Variants in SH3D19 observed in about 807,000 individuals in gnomAD.
The protein encoded by SH3D19 is SH3 domain-containing protein 19.
Under a neutral mutation model 112.1 loss-of-function variants are expected in SH3D19, and 58 were observed. That is an observed-to-expected ratio of 0.52 (90% confidence interval 0.42 to 0.64). SH3D19 has a LOEUF of 0.64. SH3D19 is among the 30% of genes least tolerant of loss of function. SH3D19 has a pLI of 0.00. For missense variants in SH3D19, 1,090 were observed against 1,263.4 expected, an observed-to-expected ratio of 0.86 and a Z score of 2.08; for synonymous variants, 391 against 448.5, an observed-to-expected ratio of 0.87 and a Z score of 1.62.
Position 151,120,446 on chromosome 4 carries a change from A to T in SH3D19, c.*1645T>A, listed in dbSNP as rs1312263968. 6.6e-6 allele frequency: 1 copy of T among 152,570 alleles called. No individual in the cohort carries two copies. The highest frequency in any genetic ancestry group is 2.4e-5 in the African/African-American group (1 of 41,458). 9.5% of individuals were successfully genotyped at this position (152,570 alleles called of 1,614,324 possible). A position where few individuals can be genotyped will look rare whatever the true frequency, so the allele number is the denominator to read the frequency against. On this transcript the variant is annotated 3_prime_UTR_variant, in exon 20 of 20. Transcript: ENST00000604030. ...AGATGTTAAAATTATAAAGGCAAAGATATATACCTCATGTTCCATTCCATA... is the reference window on the plus strand; with the variant it reads ...AGATGTTAAAATTATAAAGGCAAAGTTATATACCTCATGTTCCATTCCATA...
chr4:151,312,207 GA>G lies in SH3D19; in HGVS notation c.112+13033del, dbSNP rs563172791. On this transcript the variant is annotated intron_variant, in intron 1 of 19. Transcript: ENST00000604030. ...TACCTCCACAAAGCTGAAAAAGGGG[GA>G]AAAAAGAAAAATGCATGATGGATTC... Among the ~76,000 whole-genome samples the G allele has an allele frequency of 1.3e-3, 190 of 151,898 alleles. 1 individual carries two copies. Among genetic ancestry groups the G allele is most frequent in the African/African-American group, 4.2e-3 (174 of 41,476 alleles).
chr4:151,306,263 C>CACCAAAAATTGTACACAAAAATGTA (rs1728903946), intron 1 of SH3D19, among the ~76,000 whole-genome samples: 1 of 152,002 alleles, frequency 6.6e-6, no homozygotes, highest in African/African-American at 2.4e-5. Flanking sequence ...CAAAAAGAAG[C>CACCAAAAATTGTACACAAAAATGTA]CAATTTTACT....
At chr4:151,247,874 T>A (rs1771054884) in intron 1 of SH3D19, among the ~76,000 whole-genome samples, 1 of 152,212 alleles carries the variant, frequency 6.6e-6, no homozygotes, top group Admixed American at 6.5e-5. Flanking sequence ...TTCTTATAGC[T>A]CATTAAAGCT....
At chr4:151,166,520 C>A (rs1490703630) in intron 7 of SH3D19, among the ~76,000 whole-genome samples, 10 of 149,732 alleles carry the variant, frequency 6.7e-5, no homozygotes, top group Non-Finnish European at 1.3e-4. Context: ...GGGAAATCTA[C>A]AAGTAAAAAT....
intron 2 of SH3D19, among the ~76,000 whole-genome samples, chr4:151,210,634 C>A (rs1024726979): frequency 1.3e-5 from 2 of 152,074 alleles, no homozygotes; most frequent in Admixed American, 6.5e-5. Context: ...ATCTCCTGAC[C>A]TTGTGATCCG....
At chr4:151,193,907 G>T (rs1447174725) in intron 2 of SH3D19, among the ~76,000 whole-genome samples, 1 of 151,706 alleles carries the variant, frequency 6.6e-6, no homozygotes, top group Non-Finnish European at 1.5e-5. Context: ...TTCCTTCACA[G>T]TCAACCTAAG....
chr4:151,195,390 A>G (rs112844518), intron 2 of SH3D19, among the ~76,000 whole-genome samples: 10 of 140,602 alleles, frequency 7.1e-5, no homozygotes, highest in African/African-American at 2.5e-4. Context: ...AAAAAAAAAA[A>G]AAAAAAAGAA....
chr4:151,309,402 GT>G (rs1451064638), intron 1 of SH3D19, among the ~76,000 whole-genome samples: 2 of 151,958 alleles, frequency 1.3e-5, no homozygotes, highest in African/African-American at 4.8e-5. Context: ...GGACTAAAAA[GT>G]TTCTGCAAAG....
chr4:151,155,942 C>G (rs933602054), intron 9 of SH3D19, among the ~76,000 whole-genome samples: 1 of 152,004 alleles, frequency 6.6e-6, no homozygotes, highest in African/African-American at 2.4e-5. Context: ...ACCAAAAAAA[C>G]CCTCTTAGAA....
rs543064911 is a variant in SH3D19 at position 151,159,119 on chromosome 4, C to T, written c.1755+121G>A. Reference sequence around the variant, plus strand: ...GTACATGGGGCTTAGAGACTGGTCTCTAATAGAGGGTTCTTGTTTTTAATC... The same window carrying T: ...GTACATGGGGCTTAGAGACTGGTCTTTAATAGAGGGTTCTTGTTTTTAATC... On this transcript the variant is annotated intron_variant, in intron 9 of 19. Transcript: ENST00000604030. 6.6e-4 allele frequency: 361 copies of T among 546,752 alleles called. 5 individuals carry two copies. The South Asian group carries it at 0.01, about 16-fold the overall frequency. The allele number at this position is 546,752 out of a possible 1,614,324, so 33.9% of individuals were successfully genotyped here.
chr4:151,210,359 A>C (rs925243162), intron 2 of SH3D19, among the ~76,000 whole-genome samples: 1 of 152,134 alleles, frequency 6.6e-6, no homozygotes, highest in African/African-American at 2.4e-5. Flanking sequence ...AAATGTTTAT[A>C]AACTATTGTT....
At position 151,171,944 on chromosome 4, in the gene SH3D19, A is replaced by G. The variant is rs1488671143; in HGVS notation, c.1534+2726T>C. Among the ~76,000 whole-genome samples the G allele has an allele frequency of 2.0e-5, 3 of 152,124 alleles. No individual in the cohort carries two copies. In the East Asian group the frequency reaches 5.8e-4, roughly 29 times the overall value. On this transcript the variant is annotated intron_variant, in intron 7 of 19. Coordinates refer to ENST00000604030, the MANE Select transcript of SH3D19 (RefSeq NM_001378122.1). ...CCAATATTAAATTGCCTGTTTTATG[A>G]GTTTTTATTTAATAATTTTTCTAAT...
chr4:151,280,781 C>A (rs1774144948), intron 1 of SH3D19, among the ~76,000 whole-genome samples: 2 of 151,318 alleles, frequency 1.3e-5, no homozygotes, highest in Non-Finnish European at 2.9e-5. Context: ...CAGAGTGAGA[C>A]CCTGTCTCTA....
chr4:151,179,122 A>G (rs897683962), intron 4 of SH3D19, among the ~76,000 whole-genome samples: 1 of 152,224 alleles, frequency 6.6e-6, no homozygotes, highest in Admixed American at 6.5e-5. Context: ...ACATTTAAAA[A>G]ATCAACTTCA....
At chr4:151,258,340 C>A (rs1021612741) in intron 1 of SH3D19, among the ~76,000 whole-genome samples, 2 of 152,224 alleles carry the variant, frequency 1.3e-5, no homozygotes, top group African/African-American at 4.8e-5. Context: ...CCTGTCAGAA[C>A]CATTCTAGAG....
intron 14 of SH3D19, among the ~76,000 whole-genome samples, chr4:151,137,029 G>A (rs544006298): frequency 6.6e-6 from 1 of 152,122 alleles, no homozygotes; most frequent in Non-Finnish European, 1.5e-5. Flanking sequence ...CAGGGACCGA[G>A]TCATCCTATT....
chr4:151,197,460 T>C (rs931014653), intron 2 of SH3D19, among the ~76,000 whole-genome samples: 40 of 152,324 alleles, frequency 2.6e-4, no homozygotes, highest in African/African-American at 9.6e-4. Context: ...AAAATTCAAA[T>C]GTTCCAGAAG....
chr4:151,207,779 C>T (rs1765324193), intron 2 of SH3D19, among the ~76,000 whole-genome samples: 1 of 152,194 alleles, frequency 6.6e-6, no homozygotes, highest in Non-Finnish European at 1.5e-5. Context: ...CACAGAATCC[C>T]ACCATGACCA....
chr4:151,279,649 G>C (rs1399917857), intron 1 of SH3D19: 2 of 683,416 alleles, frequency 2.9e-6, no homozygotes. Flanking sequence ...AAGACTGCTG[G>C]GTGTGGAACC....
Sources: allele counts gnomAD v4.1 joint callset (sites outside exome capture counted in the v4.1 genomes callset), GRCh38; gene constraint gnomAD v4.1.1; transcripts MANE v1.5; gene names NCBI Gene and HGNC (gene_info 2026-07-23, HGNC 2026-07-21).